Variants in ASAH2 observed in about 807,000 individuals in gnomAD.
ASAH2 encodes neutral ceramidase.
A neutral mutation model predicts 82.9 loss-of-function variants in ASAH2; 58 were observed. The observed-to-expected ratio is 0.70, with a 90% CI of 0.57 to 0.87. ASAH2 has a LOEUF of 0.87. Ranked by LOEUF, ASAH2 falls within the 40% of genes least tolerant of loss-of-function variation. ASAH2 has a pLI of 0.00. For synonymous variants in ASAH2, 276 were observed against 289.7 expected (o/e 0.95, Z 0.48); for missense variants, 779 against 834.0 (o/e 0.93, Z 0.81).
intron 9 of ASAH2, among the ~76,000 whole-genome samples, chr10:50,214,105 T>C (rs1845534325): frequency 6.6e-6 from 1 of 152,046 alleles, no homozygotes; most frequent in African/African-American, 2.4e-5. Flanking sequence ...CTAAGACAAA[T>C]TAAGTGGAAA....
intron 7 of ASAH2, among the ~76,000 whole-genome samples, chr10:50,226,332 A>G (rs2133219082): frequency 6.6e-6 from 1 of 152,320 alleles, no homozygotes; most frequent in East Asian, 1.9e-4. Context: ...ACTTTTTAAG[A>G]AAAATATTAT....
chr10:50,219,420 C>G (rs1845688081), intron 7 of ASAH2, among the ~76,000 whole-genome samples: 1 of 152,144 alleles, frequency 6.6e-6, no homozygotes, highest in Non-Finnish European at 1.5e-5. Flanking sequence ...GCCCAGGACT[C>G]AAGTCTGGGT....
chr10:50,204,958 G>A lies in ASAH2; in HGVS notation c.1531-3C>T. The A allele has an allele frequency of 1.2e-6, 2 of 1,601,896 alleles. No individual in the cohort carries two copies. The highest frequency in any genetic ancestry group is 1.7e-6 in the Non-Finnish European group (2 of 1,173,766). The stretch of plus-strand genomic sequence containing the variant: ...TGCCAGGGGTGAGGTTTTGATAGCT[G>A]AGAACCCAAAACAAGAAAATTATGT... On this transcript the variant is annotated splice_region_variant and splice_polypyrimidine_tract_variant and intron_variant, in intron 13 of 20. Coordinates refer to ENST00000682911, the MANE Select transcript of ASAH2 (RefSeq NM_019893.4).
At chr10:50,229,078 C>G (rs1845963816) in intron 7 of ASAH2, among the ~76,000 whole-genome samples, 1 of 152,140 alleles carries the variant, frequency 6.6e-6, no homozygotes, top group Non-Finnish European at 1.5e-5. Flanking sequence ...ATTATCTGCA[C>G]TTGTGACTTT....
chr10:50,215,186 T>C (rs1195426083), intron 8 of ASAH2, among the ~76,000 whole-genome samples: 1 of 152,212 alleles, frequency 6.6e-6, no homozygotes. Flanking sequence ...TCTTCTAGGG[T>C]TTTTATGGTT....
At chr10:50,200,933 T>C (rs1211170740) in intron 16 of ASAH2, among the ~76,000 whole-genome samples, 2 of 152,080 alleles carry the variant, frequency 1.3e-5, no homozygotes, top group Non-Finnish European at 2.9e-5. Flanking sequence ...CAAACATTCC[T>C]GTTTTGCCTT....
Position 50,206,037 on chromosome 10 carries a change from G to A in ASAH2, c.1475C>T (p.Ser492Phe). Reference sequence around the variant, plus strand: ...TTTATGACATTCTTTAATTTCTTCAGATGGCTTTCCCAGGATCTGGTCCCG... The same window carrying A: ...TTTATGACATTCTTTAATTTCTTCAAATGGCTTTCCCAGGATCTGGTCCCG... ...TIRDQILGKP[S>F]EEIKECHKPK... is the part of the protein sequence containing the mutation. Residue 492 changes from serine to phenylalanine, a missense_variant, in exon 13 of 21, where the codon TCT becomes TTT. Physicochemically the swap from Ser to Phe is radical, Grantham distance 155. Transcript: ENST00000682911. 6.2e-7 allele frequency: 1 copy of A among 1,612,630 alleles called. No individual in the cohort carries two copies. The highest frequency in any genetic ancestry group is 1.1e-5 in the South Asian group (1 of 91,048).
At chr10:50,218,751 T>A in intron 7 of ASAH2, 121 bp from the exon 8 acceptor site, 1 of 1,085,738 alleles carries the variant, frequency 9.2e-7, no homozygotes, top group Non-Finnish European at 1.4e-6. Context: ...ATAGACATTC[T>A]ACATCTACAT....
At chr10:50,207,877 A>G (rs975676474) in intron 12 of ASAH2, among the ~76,000 whole-genome samples, 6 of 151,888 alleles carry the variant, frequency 4.0e-5, no homozygotes, top group African/African-American at 1.4e-4. Flanking sequence ...ACTACAGAAC[A>G]TTTTCTCTGA....
At position 50,248,523 on chromosome 10, in the gene ASAH2, G is replaced by C; in HGVS notation, c.88C>G (p.Leu30Val). The change falls in exon 2 of 21, where the codon CTC (leucine) becomes GTC (valine). Residue 30 changes from leucine (L) to valine (V), a missense_variant. By Grantham distance (32) the Leu-to-Val change is conservative. Around this residue, in one of 3 missense-constraint regions of ASAH2, gnomAD observed 759 missense variants for 755.2 expected, o/e 1.00. Transcript: ENST00000682911. ...MSAITVALLSLLFITSGTIEN... is the reference protein window; with the variant it reads ...MSAITVALLSVLFITSGTIEN... ...ATGGTCCCACTGGTGATAAACAAGAGGCTGAGAAGGGCCACTGTGATGGCA... is the reference window on the plus strand; with the variant it reads ...ATGGTCCCACTGGTGATAAACAAGACGCTGAGAAGGGCCACTGTGATGGCA... 6.2e-7 allele frequency: 1 copy of C among 1,613,820 alleles called. No homozygotes were observed. The highest frequency in any genetic ancestry group is 8.5e-7 in the Non-Finnish European group (1 of 1,179,754).
intron 9 of ASAH2, among the ~76,000 whole-genome samples, chr10:50,213,454 T>C (rs1215591967): frequency 6.6e-6 from 1 of 152,132 alleles, no homozygotes; most frequent in South Asian, 2.1e-4. Flanking sequence ...ATTAAAATTA[T>C]ATTGGAACAA....
intron 4 of ASAH2, among the ~76,000 whole-genome samples, chr10:50,241,786 A>G (rs1047500673): frequency 6.6e-6 from 1 of 152,192 alleles, no homozygotes; most frequent in Non-Finnish European, 1.5e-5. Flanking sequence ...AACTAACACA[A>G]GAACAGAAAA....
At chr10:50,244,517 T>C (rs1221146885) in intron 3 of ASAH2, among the ~76,000 whole-genome samples, 1 of 151,794 alleles carries the variant, frequency 6.6e-6, no homozygotes, top group African/African-American at 2.4e-5. Flanking sequence ...AGGGAGGGAG[T>C]GAATCCCATC....
intron 13 of ASAH2, 85 bp downstream of exon 13, chr10:50,205,897 A>C: frequency 2.8e-6 from 3 of 1,074,816 alleles, no homozygotes; most frequent in Non-Finnish European, 4.4e-6. Context: ...CCATCTCAGT[A>C]GATATCTACC....
chr10:50,239,896 C>T (rs994313514), intron 4 of ASAH2, among the ~76,000 whole-genome samples: 1 of 136,772 alleles, frequency 7.3e-6, no homozygotes, highest in Non-Finnish European at 1.5e-5. Flanking sequence ...GTGGAGTGAT[C>T]TTGGCTCACT....
chr10:50,224,053 C>T (rs1221387992), intron 7 of ASAH2, among the ~76,000 whole-genome samples: 2 of 152,092 alleles, frequency 1.3e-5, no homozygotes, highest in African/African-American at 4.8e-5. Context: ...TAATGTGTGG[C>T]TTCCCTAGGA....
intron 18 of ASAH2, among the ~76,000 whole-genome samples, chr10:50,193,642 G>T (rs1437434605): frequency 6.6e-6 from 1 of 150,774 alleles, no homozygotes; most frequent in African/African-American, 2.4e-5. Flanking sequence ...GATGAGGGGT[G>T]CTGGGGGAAG....
intron 12 of ASAH2, among the ~76,000 whole-genome samples, chr10:50,208,631 A>G (rs1267747347): frequency 6.6e-6 from 1 of 152,166 alleles, no homozygotes. Context: ...TTGTCTTAAA[A>G]TTACAAAACA....
intron 12 of ASAH2, among the ~76,000 whole-genome samples, chr10:50,208,092 T>C (rs1387230287): frequency 1.3e-5 from 2 of 151,886 alleles, no homozygotes; most frequent in African/African-American, 4.8e-5. Context: ...GAGAGAAATA[T>C]TTGCCAAAAA....
Sources: allele counts gnomAD v4.1 joint callset (sites outside exome capture counted in the v4.1 genomes callset), GRCh38; gene constraint gnomAD v4.1.1; regional missense constraint gnomAD v4.1.1; transcripts MANE v1.5; gene names NCBI Gene and HGNC (gene_info 2026-07-23, HGNC 2026-07-21).